LRRC3: variants seen among roughly 807,000 people sequenced by gnomAD.
The protein encoded by LRRC3 is leucine rich repeat containing 3, also known as leucine-rich repeat-containing protein 3.
For missense variants in LRRC3, 351 were observed against 361.6 expected (o/e 0.97, Z 0.24); for synonymous variants, 172 against 164.1 (o/e 1.05, Z -0.37).
At position 44,458,117 on chromosome 21, in the gene LRRC3, G is replaced by A. The variant is rs1301388274; in HGVS notation, c.*699G>A. On this transcript the variant is annotated 3_prime_UTR_variant, in exon 2 of 2. Coordinates refer to ENST00000291592, the MANE Select transcript of LRRC3 (RefSeq NM_030891.6). ...GTGAACAATATGGAGAGAGACCTGGGAAAAGTCCAGGGTAGCTTGCCCAGG... is the reference window on the plus strand; with the variant it reads ...GTGAACAATATGGAGAGAGACCTGGAAAAAGTCCAGGGTAGCTTGCCCAGG... 2 of 165,198 alleles carry A rather than the reference G, an allele frequency of 1.2e-5. No individual in the cohort carries two copies. The highest frequency in any genetic ancestry group is 2.4e-5 in the African/African-American group (1 of 41,444). 10.2% of individuals were successfully genotyped at this position (165,198 alleles called of 1,614,324 possible). A position where few individuals can be genotyped will look rare whatever the true frequency, so the allele number is the denominator to read the frequency against.
At position 44,457,310 on chromosome 21, in the gene LRRC3, C is replaced by T. The variant is rs763370334; in HGVS notation, c.666C>T (p.Val222=). The change falls in exon 2 of 2, where the codon GTC becomes GTT. Residue 222 remains valine (V), a synonymous_variant. Coordinates refer to ENST00000291592, the MANE Select transcript of LRRC3 (RefSeq NM_030891.6). Reference sequence around the variant, plus strand: ...GGTTCGCCATGGTGATCGCCTACGTCGTGTACTATGTGCGCCACAACCAGG... The same window carrying T: ...GGTTCGCCATGGTGATCGCCTACGTTGTGTACTATGTGCGCCACAACCAGG... ...FGWFAMVIAY[V]VYYVRHNQED... The T allele has an allele frequency of 9.3e-6, 15 of 1,613,546 alleles. No homozygotes were observed. Among genetic ancestry groups the T allele is most frequent in the Middle Eastern group, 1.6e-4 (1 of 6,084 alleles).
intron 1 of LRRC3, 40 bp from the exon 2 acceptor site, chr21:44,456,458 C>T (rs2051700412): frequency 1.6e-6 from 1 of 643,650 alleles, no homozygotes; most frequent in South Asian, 2.0e-5. Context: ...GCTGACCACC[C>T]TCCCTCCCTC....
rs752848321 is a variant in LRRC3 at position 44,456,951 on chromosome 21, A to T, written c.307A>T (p.Ile103Phe). The T allele has an allele frequency of 3.0e-5, 48 of 1,608,910 alleles. No individual in the cohort carries two copies. Among genetic ancestry groups the T allele is most frequent in the Non-Finnish European group, 4.1e-5 (48 of 1,179,910 alleles). The change falls in exon 2 of 2, where the codon ATC becomes TTC. Residue 103 changes from isoleucine (I) to phenylalanine (F), a missense_variant. Ile to Phe is a conservative substitution (Grantham distance 21). Transcript: ENST00000291592. ...TCTGTCTCACAACGCCATCGAGGCC[A>T]TCGGCTCCGCCACCTTCGCGGGCCT... is the stretch of plus-strand genomic sequence containing the variant. ...LDLSHNAIEA[I>F]GSATFAGLAG...
Position 44,456,574 on chromosome 21 carries a change from C to A in LRRC3, c.-71C>A. 2.0e-6 allele frequency: 3 copies of A among 1,484,082 alleles called. No homozygotes were observed. Among genetic ancestry groups the A allele is most frequent in the Non-Finnish European group, 1.8e-6 (2 of 1,108,434 alleles). 91.9% of individuals were successfully genotyped at this position (1,484,082 alleles called of 1,614,324 possible). The stretch of plus-strand genomic sequence containing the variant: ...TCATGTCTGGTTGGATAAGGCCTTG[C>A]CTGCGGAAACCAGCTCCATCCCCAG... On this transcript the variant is annotated 5_prime_UTR_variant, in exon 2 of 2. It introduces an in-frame stop codon into an upstream open reading frame of the 5' UTR. Transcript: ENST00000291592.
At position 44,457,989 on chromosome 21, in the gene LRRC3, A is replaced by C. The variant is rs1377507439; in HGVS notation, c.*571A>C. The C allele has an allele frequency of 6.0e-6, 1 of 168,060 alleles. No homozygotes were observed. The highest frequency in any genetic ancestry group is 1.5e-5 in the Non-Finnish European group (1 of 68,924). 10.4% of individuals were successfully genotyped at this position (168,060 alleles called of 1,614,324 possible). A position where few individuals can be genotyped will look rare whatever the true frequency, so the allele number is the denominator to read the frequency against. The stretch of plus-strand genomic sequence containing the variant: ...TAACAGAGACCAGGTTTTTCTAGAG[A>C]GCTAAGTGGGATGTGTAGCTCAAAC... On this transcript the variant is annotated 3_prime_UTR_variant, in exon 2 of 2. Transcript: ENST00000291592.
At position 44,462,148 on chromosome 21, in the gene LRRC3, C is replaced by T. The variant is rs2051750967; in HGVS notation, c.*4730C>T. The T allele has an allele frequency of 6.6e-6, 1 of 152,342 alleles. No homozygotes were observed. Among genetic ancestry groups the T allele is most frequent in the Non-Finnish European group, 1.5e-5 (1 of 68,114 alleles). The allele number at this position is 152,342 out of a possible 1,614,324, so 9.4% of individuals were successfully genotyped here. A position where few individuals can be genotyped will look rare whatever the true frequency, so the allele number is the denominator to read the frequency against. On this transcript the variant is annotated 3_prime_UTR_variant, in exon 2 of 2. Coordinates refer to ENST00000291592, the MANE Select transcript of LRRC3 (RefSeq NM_030891.6). The surrounding 1 kb of genome is among the most constrained non-coding windows in gnomAD (Gnocchi z 4.2). The stretch of plus-strand genomic sequence containing the variant: ...CTGTGCCGGTGTCTGTTTCTGTTGT[C>T]TCTCGGCCCTTCTGTGAGCCCTCAG...
chr21:44,456,833 G>A lies in LRRC3; in HGVS notation c.189G>A (p.Pro63=), dbSNP rs116969723. Residue 63 remains proline, a synonymous_variant, in exon 2 of 2, where the codon CCG becomes CCA. Transcript: ENST00000291592. ...RGLQEVPEDI[P]ANTVLLKLDA... The stretch of plus-strand genomic sequence containing the variant: ...TTCAGGAGGTCCCCGAGGACATCCC[G>A]GCCAACACCGTGCTCCTGAAGCTCG... The A allele has an allele frequency of 4.8e-3, 7,727 of 1,611,536 alleles. 306 individuals carry two copies. The Admixed American group carries it at 0.074, about 15-fold the overall frequency.
rs781137656 is a variant in LRRC3 at position 44,456,625 on chromosome 21, C to A, written c.-20C>A. 6.4e-7 allele frequency: 1 copy of A among 1,560,008 alleles called. No individual in the cohort carries two copies. The highest frequency in any genetic ancestry group is 8.7e-7 in the Non-Finnish European group (1 of 1,152,614). ...GCCCTAGCAGAGGCTCGCGTGTCCC[C>A]GTCCCCAGGTCAGGTCAGGATGGGC... On this transcript the variant is annotated 5_prime_UTR_variant, in exon 2 of 2. Coordinates refer to ENST00000291592, the MANE Select transcript of LRRC3 (RefSeq NM_030891.6).
In LRRC3 at chr21:44,458,428, T is replaced by G. The variant is rs1446771337; in HGVS notation, c.*1010T>G. 1 of 166,934 alleles carries G rather than the reference T, an allele frequency of 6.0e-6. No homozygotes were observed. The highest frequency in any genetic ancestry group is 1.5e-5 in the Non-Finnish European group (1 of 68,244). The allele number at this position is 166,934 out of a possible 1,614,324, so 10.3% of individuals were successfully genotyped here. A position where few individuals can be genotyped will look rare whatever the true frequency, so the allele number is the denominator to read the frequency against. ...ATCCGCCCGCCTCAGCCTCCCAAAG[T>G]GCTGGGATTACAGGCGTCAGCCACC... On this transcript the variant is annotated 3_prime_UTR_variant, in exon 2 of 2. Transcript: ENST00000291592.
rs779541560 is a variant in LRRC3 at position 44,457,190 on chromosome 21, G to T, written c.546G>T (p.Gly182=). 1.2e-6 allele frequency: 2 copies of T among 1,612,802 alleles called. No homozygotes were observed. The highest frequency in any genetic ancestry group is 2.7e-5 in the African/African-American group (2 of 74,940). Residue 182 remains glycine, a synonymous_variant, in exon 2 of 2, where the codon GGG becomes GGT. Coordinates refer to ENST00000291592, the MANE Select transcript of LRRC3 (RefSeq NM_030891.6). ...CCTCAGTGCAGGAGGAGTTTGTGGG[G>T]AAGCCTCTGGTTCAGGCTCTGGATG... The part of the protein sequence containing the change: ...CHTSVQEEFV[G]KPLVQALDAG...
chr21:44,456,363 G>A (rs2051699552), intron 1 of LRRC3, 135 bp from the exon 2 acceptor site: 2 of 456,342 alleles, frequency 4.4e-6, no homozygotes, highest in African/African-American at 2.0e-5. Flanking sequence ...TTAAGGAGGC[G>A]TGCTCCCCAC....
rs1378855854 is a variant in LRRC3 at position 44,460,768 on chromosome 21, C to G, written c.*3350C>G. The stretch of plus-strand genomic sequence containing the variant: ...AACCCAACCCTAACTCTAATGCTAA[C>G]CCCTAAACCATCCCCCACCCTAACC... On this transcript the variant is annotated 3_prime_UTR_variant, in exon 2 of 2. Coordinates refer to ENST00000291592, the MANE Select transcript of LRRC3 (RefSeq NM_030891.6). 1 of 152,200 alleles carries G rather than the reference C, an allele frequency of 6.6e-6. No homozygotes were observed. Among genetic ancestry groups the G allele is most frequent in the African/African-American group, 2.4e-5 (1 of 41,370 alleles). The allele number at this position is 152,200 out of a possible 1,614,324, so 9.4% of individuals were successfully genotyped here. A position where few individuals can be genotyped will look rare whatever the true frequency, so the allele number is the denominator to read the frequency against.
At position 44,460,680 on chromosome 21, in the gene LRRC3, CCCATTCACCACTTTCACCCCGGGAACCTA is replaced by C. The variant is rs1194617326; in HGVS notation, c.*3265_*3293del. ...GGCAGGGCTTAGCTTCCTGATGCCG[CCCATTCACCACTTTCACCCCGGGAACCTA>C]CCTGGGCATCATGGGAGGCAGAGCC... is the stretch of plus-strand genomic sequence containing the variant. On this transcript the variant is annotated 3_prime_UTR_variant, in exon 2 of 2. Coordinates refer to ENST00000291592, the MANE Select transcript of LRRC3 (RefSeq NM_030891.6). 1.3e-5 allele frequency: 2 copies of C among 152,120 alleles called. No individual in the cohort carries two copies. Among genetic ancestry groups the C allele is most frequent in the Non-Finnish European group, 2.9e-5 (2 of 68,048 alleles). 9.4% of individuals were successfully genotyped at this position (152,120 alleles called of 1,614,324 possible).
Position 44,457,475 on chromosome 21 carries a change from A to G in LRRC3, c.*57A>G. On this transcript the variant is annotated 3_prime_UTR_variant, in exon 2 of 2. Transcript: ENST00000291592. ...GCTGTCACTTTTGTAGTAGGTGGTG[A>G]CTGATGCTGCTTTTGCTCTTCCCTG... The G allele has an allele frequency of 6.6e-7, 1 of 1,514,418 alleles. No individual in the cohort carries two copies. The highest frequency in any genetic ancestry group is 8.9e-7 in the Non-Finnish European group (1 of 1,126,508). The allele number at this position is 1,514,418 out of a possible 1,614,324, so 93.8% of individuals were successfully genotyped here.
rs377334485 is a variant in LRRC3 at position 44,456,639 on chromosome 21, G to A, written c.-6G>A. ...TCGCGTGTCCCCGTCCCCAGGTCAG[G>A]TCAGGATGGGCACCGTGCGCCCACC... On this transcript the variant is annotated 5_prime_UTR_variant, in exon 2 of 2. Transcript: ENST00000291592. 7.6e-6 allele frequency: 12 copies of A among 1,583,280 alleles called. No individual in the cohort carries two copies. Among genetic ancestry groups the A allele is most frequent in the Non-Finnish European group, 3.4e-6 (4 of 1,164,768 alleles).
chr21:44,456,886 A>G lies in LRRC3; in HGVS notation c.242A>G (p.Asp81Gly), dbSNP rs532511244. The change falls in exon 2 of 2, where the codon GAC becomes GGC. Residue 81 changes from aspartate to glycine, a missense_variant. Physicochemically the swap from Asp to Gly is moderately conservative, Grantham distance 94. Transcript: ENST00000291592. ...LDANKISHLP[D>G]GAFQHLHRLR... is the part of the protein sequence containing the mutation. ...GCCAACAAGATCTCCCACCTCCCGG[A>G]CGGGGCCTTCCAGCACCTGCACCGG... 3.7e-6 allele frequency: 6 copies of G among 1,610,478 alleles called. No homozygotes were observed. In the African/African-American group the frequency reaches 8.0e-5, roughly 21 times the overall value.
intron 1 of LRRC3, among the ~76,000 whole-genome samples, chr21:44,456,026 C>G (rs1390300549): frequency 1.3e-5 from 2 of 152,212 alleles, no homozygotes; most frequent in Non-Finnish European, 2.9e-5. Flanking sequence ...CAGGCGTTGG[C>G]TGCTGGAGTA....
intron 1 of LRRC3, among the ~76,000 whole-genome samples, chr21:44,456,190 C>T (rs2051697990): frequency 6.6e-6 from 1 of 152,180 alleles, no homozygotes; most frequent in African/African-American, 2.4e-5. Context: ...ACTCCGCCGC[C>T]CGGCCTTTGG....
chr21:44,457,559 C>A lies in LRRC3; in HGVS notation c.*141C>A. On this transcript the variant is annotated 3_prime_UTR_variant, in exon 2 of 2. Transcript: ENST00000291592. The stretch of plus-strand genomic sequence containing the variant: ...GTTGCACTCAGGCACAGCAGCACCT[C>A]CAGGCTGGGTGGTTTTGCCACACAT... The A allele has an allele frequency of 1.0e-6, 1 of 979,520 alleles. No homozygotes were observed. Among genetic ancestry groups the A allele is most frequent in the Non-Finnish European group, 1.5e-6 (1 of 676,158 alleles). 60.7% of individuals were successfully genotyped at this position (979,520 alleles called of 1,614,324 possible).
Sources: allele counts gnomAD v4.1 joint callset (sites outside exome capture counted in the v4.1 genomes callset), GRCh38; gene constraint gnomAD v4.1.1; non-coding constraint Gnocchi (gnomAD v3.1); transcripts MANE v1.5; gene names NCBI Gene and HGNC (gene_info 2026-07-23, HGNC 2026-07-21).